Variants in BMPR2 observed in about 807,000 individuals in gnomAD.
BMPR2 encodes the protein bone morphogenetic protein receptor type 2.
BMPR2 carries 29 observed loss-of-function variants against 100.8 expected under a neutral mutation model. The ratio of observed to expected loss-of-function variants is 0.29; its 90% CI spans 0.21 to 0.39. BMPR2 has a LOEUF of 0.39. Among genes scored for constraint, BMPR2 ranks in the 10% least tolerant of loss-of-function variants. The probability of loss-of-function intolerance (pLI) is 1.00; values close to 1 mark genes in which losing one functional copy is unlikely to be tolerated. For synonymous variants in BMPR2, 382 were observed against 442.3 expected (o/e 0.86, Z 1.71); for missense variants, 1,011 against 1,274.5 (o/e 0.79, Z 3.15).
intron 3 of BMPR2, among the ~76,000 whole-genome samples, chr2:202,481,642 G>A (rs1236607824): frequency 1.3e-5 from 2 of 152,038 alleles, no homozygotes; most frequent in Admixed American, 6.6e-5. Context: ...TCATGAACAC[G>A]ATATCTTTCC....
intron 10 of BMPR2, among the ~76,000 whole-genome samples, chr2:202,546,536 A>G (rs1688378706): frequency 1.3e-5 from 2 of 152,160 alleles, no homozygotes; most frequent in African/African-American, 2.4e-5. Context: ...TTTTCTTCCT[A>G]TATGTTTCAG....
At chr2:202,487,702 T>C (rs1692805796) in intron 3 of BMPR2, among the ~76,000 whole-genome samples, 1 of 152,330 alleles carries the variant, frequency 6.6e-6, no homozygotes, top group South Asian at 2.1e-4. Flanking sequence ...AGCTAGTTTA[T>C]GTAAGAAAGG....
At chr2:202,436,931 T>G (rs538268714) in intron 1 of BMPR2, among the ~76,000 whole-genome samples, 1 of 150,864 alleles carries the variant, frequency 6.6e-6, no homozygotes, top group East Asian at 1.9e-4. Context: ...CTTTTTTTCC[T>G]TATTTCCATG....
chr2:202,384,317 A>G (rs1229523396), intron 1 of BMPR2, among the ~76,000 whole-genome samples: 1 of 152,206 alleles, frequency 6.6e-6, no homozygotes, highest in African/African-American at 2.4e-5. Context: ...TATAGTGCAA[A>G]ATGTGTGCAA....
intron 3 of BMPR2, among the ~76,000 whole-genome samples, chr2:202,476,789 A>G (rs1385558136): frequency 6.6e-6 from 1 of 152,188 alleles, no homozygotes; most frequent in Non-Finnish European, 1.5e-5. Flanking sequence ...ACTCAAAAAA[A>G]ATAAATAAAA....
intron 9 of BMPR2, among the ~76,000 whole-genome samples, chr2:202,538,425 C>T (rs973740999): frequency 6.6e-6 from 1 of 151,788 alleles, no homozygotes; most frequent in African/African-American, 2.4e-5. Flanking sequence ...CCATTGCCCT[C>T]CATCCTGGGC....
At position 202,532,067 on chromosome 2, in the gene BMPR2, G is replaced by A. The variant is rs1446514966; in HGVS notation, c.1129-518G>A. The stretch of plus-strand genomic sequence containing the variant: ...CTATTTTCCTGCCTCGGCCTCCTGA[G>A]TAGCTGGGACTACAGGCACCCACCA... On this transcript the variant is annotated intron_variant, in intron 8 of 12. Transcript: ENST00000374580. The surrounding 1 kb of genome is among the most constrained non-coding windows in gnomAD (Gnocchi z 4.1). Among the ~76,000 whole-genome samples, 13 of 148,952 alleles carry A rather than the reference G, an allele frequency of 8.7e-5. No individual in the cohort carries two copies. The Admixed American group carries it at 8.9e-4, about 10-fold the overall frequency.
chr2:202,400,812 A>G (rs1378560136), intron 1 of BMPR2, among the ~76,000 whole-genome samples: 1 of 152,168 alleles, frequency 6.6e-6, no homozygotes, highest in Non-Finnish European at 1.5e-5. Flanking sequence ...TAATTGTGAA[A>G]CATTTTTGTT....
In BMPR2 at chr2:202,435,459, TATA is replaced by T. The variant is rs1691598581; in HGVS notation, c.77-29348_77-29346del. On this transcript the variant is annotated intron_variant, in intron 1 of 12. Coordinates refer to ENST00000374580, the MANE Select transcript of BMPR2 (RefSeq NM_001204.7). ...TCGTGTTTTAAGCTAAGTGTTTTAT[TATA>T]AGAGTAAAAATGTTAAAAACAGTTA... Among the ~76,000 whole-genome samples, 2 of 146,720 alleles carry T rather than the reference TATA, an allele frequency of 1.4e-5. 1 individual carries two copies. Among genetic ancestry groups the T allele is most frequent in the African/African-American group, 5.3e-5 (2 of 38,030 alleles).
At chr2:202,458,146 A>T (rs1355023162) in intron 1 of BMPR2, among the ~76,000 whole-genome samples, 1 of 151,756 alleles carries the variant, frequency 6.6e-6, no homozygotes, top group Non-Finnish European at 1.5e-5. Flanking sequence ...CCATATATAT[A>T]ATATTTAAAA....
chr2:202,469,298 G>A (rs908986023), intron 3 of BMPR2, among the ~76,000 whole-genome samples: 1 of 152,046 alleles, frequency 6.6e-6, no homozygotes, highest in Non-Finnish European at 1.5e-5. Flanking sequence ...AAAGTGCTGG[G>A]ATTACAGGTG....
intron 7 of BMPR2, among the ~76,000 whole-genome samples, chr2:202,522,989 A>G (rs1180445407): frequency 6.6e-6 from 1 of 152,186 alleles, no homozygotes. Flanking sequence ...ACGTCCAACA[A>G]AGGTCTAATA....
At chr2:202,399,582 A>G (rs545481907) in intron 1 of BMPR2, among the ~76,000 whole-genome samples, 33 of 152,366 alleles carry the variant, frequency 2.2e-4, no homozygotes, top group Non-Finnish European at 4.4e-4. Context: ...GAGTAATTTC[A>G]TAATCTAATT....
chr2:202,417,342 A>G (rs144062611), intron 1 of BMPR2, among the ~76,000 whole-genome samples: 2 of 151,280 alleles, frequency 1.3e-5, no homozygotes, highest in Non-Finnish European at 3.0e-5. Flanking sequence ...TTTTTTGCCC[A>G]GGCTGGATGG....
intron 1 of BMPR2, among the ~76,000 whole-genome samples, chr2:202,422,416 C>T (rs1263566647): frequency 6.6e-6 from 1 of 152,032 alleles, no homozygotes; most frequent in African/African-American, 2.4e-5. Context: ...CCACCATTCT[C>T]CTGCCTCAGC....
chr2:202,427,668 C>CT (rs1691416813), intron 1 of BMPR2, among the ~76,000 whole-genome samples: 1 of 152,070 alleles, frequency 6.6e-6, no homozygotes, highest in African/African-American at 2.4e-5. Flanking sequence ...TATGCCTCTA[C>CT]TGCACCATTA....
At chr2:202,418,971 C>T (rs1245367984) in intron 1 of BMPR2, among the ~76,000 whole-genome samples, 2 of 152,148 alleles carry the variant, frequency 1.3e-5, no homozygotes. Context: ...ATTCTGATTT[C>T]TTTCCTTATC....
chr2:202,422,063 C>T (rs904341080), intron 1 of BMPR2, among the ~76,000 whole-genome samples: 2 of 151,956 alleles, frequency 1.3e-5, no homozygotes, highest in Non-Finnish European at 2.9e-5. Context: ...CACAAACCAC[C>T]ACACCCAGCT....
chr2:202,416,841 C>CT (rs1440014293), intron 1 of BMPR2, among the ~76,000 whole-genome samples: 568 of 139,630 alleles, frequency 4.1e-3, no homozygotes, highest in Middle Eastern at 0.012. Context: ...TTTTCTTTTT[C>CT]TTTTTTTTTT....
Sources: allele counts gnomAD v4.1 joint callset (sites outside exome capture counted in the v4.1 genomes callset), GRCh38; gene constraint gnomAD v4.1.1; non-coding constraint Gnocchi (gnomAD v3.1); transcripts MANE v1.5; gene names NCBI Gene and HGNC (gene_info 2026-07-23, HGNC 2026-07-21).